The following TMEM132D variants were observed in gnomAD, a reference collection of about 807,000 sequenced individuals.
TMEM132D encodes transmembrane protein 132D, also known as mature OL transmembrane protein.
A neutral mutation model predicts 62.3 loss-of-function variants in TMEM132D; 21 were observed. The observed-to-expected ratio is 0.34, with a 90% CI of 0.24 to 0.49. The LOEUF (loss-of-function observed/expected upper bound fraction) is 0.49, where lower values mean the gene tolerates loss of function less well. Among genes scored for constraint, TMEM132D ranks in the 20% least tolerant of loss-of-function variants. TMEM132D has a pLI of 0.99. For synonymous variants in TMEM132D, 621 were observed against 575.6 expected, an observed-to-expected ratio of 1.08 and a Z score of -1.13; for missense variants, 1,346 against 1,402.8, an observed-to-expected ratio of 0.96 and a Z score of 0.65.
intron 5 of TMEM132D, among the ~76,000 whole-genome samples, chr12:129,174,005 A>T (rs376907806): frequency 6.6e-6 from 1 of 152,196 alleles, no homozygotes; most frequent in Admixed American, 6.5e-5. Context: ...ATACGAATTT[A>T]TTTTAATAAA....
chr12:129,378,031 T>C (rs1205813017), intron 3 of TMEM132D, among the ~76,000 whole-genome samples: 1 of 152,244 alleles, frequency 6.6e-6, no homozygotes, highest in Non-Finnish European at 1.5e-5. Context: ...TCTTGACAGC[T>C]TCTGCTATTG....
intron 3 of TMEM132D, among the ~76,000 whole-genome samples, chr12:129,436,519 A>G (rs990336225): frequency 6.6e-6 from 1 of 152,198 alleles, no homozygotes; most frequent in Non-Finnish European, 1.5e-5. Context: ...CAAGACTTTT[A>G]GTTGCAGCAT....
At chr12:129,160,249 C>G (rs538183694) in intron 5 of TMEM132D, among the ~76,000 whole-genome samples, 1 of 152,320 alleles carries the variant, frequency 6.6e-6, no homozygotes, top group East Asian at 1.9e-4. Context: ...TCACATTTTT[C>G]TTGTAGAATC....
chr12:129,814,828 C>A (rs1048150028), intron 1 of TMEM132D, among the ~76,000 whole-genome samples: 1 of 152,048 alleles, frequency 6.6e-6, no homozygotes. Context: ...TTCTCAACAT[C>A]TAAGATGCCT....
intron 3 of TMEM132D, among the ~76,000 whole-genome samples, chr12:129,378,375 A>G (rs1870844561): frequency 6.6e-6 from 1 of 152,178 alleles, no homozygotes; most frequent in East Asian, 1.9e-4. Context: ...GAGCAGTTTC[A>G]CCACCCAGCA....
At chr12:129,196,291 G>C (rs1281056405) in intron 5 of TMEM132D, among the ~76,000 whole-genome samples, 1 of 152,126 alleles carries the variant, frequency 6.6e-6, no homozygotes, top group African/African-American at 2.4e-5. Flanking sequence ...TGCAGTTGTG[G>C]TTTTATCTCT....
At chr12:129,128,881 G>A (rs1048898927) in intron 5 of TMEM132D, among the ~76,000 whole-genome samples, 4 of 152,174 alleles carry the variant, frequency 2.6e-5, no homozygotes, top group Non-Finnish European at 5.9e-5. Context: ...GTTCACTTAG[G>A]ATGATGGCTT....
intron 4 of TMEM132D, among the ~76,000 whole-genome samples, chr12:129,256,342 G>A (rs138472783): frequency 5.3e-5 from 8 of 152,374 alleles, no homozygotes; most frequent in Non-Finnish European, 1.2e-4. Context: ...GTGGGCACTT[G>A]AGTGATATAG....
At chr12:129,498,233 T>C (rs569356250) in intron 3 of TMEM132D, among the ~76,000 whole-genome samples, 48 of 142,192 alleles carry the variant, frequency 3.4e-4, no homozygotes, top group African/African-American at 1.1e-3. Flanking sequence ...CAAGATGAGA[T>C]GTATCTGTCC....
chr12:129,507,979 CA>C (rs1875388355), intron 3 of TMEM132D, among the ~76,000 whole-genome samples: 1 of 152,150 alleles, frequency 6.6e-6, no homozygotes. Context: ...TCATGGCCTG[CA>C]GACTATCCTT....
At chr12:129,141,841 A>T (rs1251269126) in intron 5 of TMEM132D, among the ~76,000 whole-genome samples, 10 of 151,886 alleles carry the variant, frequency 6.6e-5, no homozygotes, top group East Asian at 1.9e-4. Context: ...GGGTGATGGG[A>T]TCATTCGTAC....
chr12:129,785,354 G>T (rs1296365783), intron 1 of TMEM132D, among the ~76,000 whole-genome samples: 1 of 152,172 alleles, frequency 6.6e-6, no homozygotes, highest in East Asian at 1.9e-4. Context: ...TTTGATGTTT[G>T]CATTTGTATA....
rs150961334 is a variant in TMEM132D, at chr12:129,128,434, C to T, written c.1444-43732G>A. On this transcript the variant is annotated intron_variant, in intron 5 of 8. Coordinates refer to ENST00000422113, the MANE Select transcript of TMEM132D (RefSeq NM_133448.3). ...GTGGCATCTTACACGGTGGCAGGAGCGAGAGAGTGACTGGGGAAGGGCCCC... is the reference window on the plus strand; with the variant it reads ...GTGGCATCTTACACGGTGGCAGGAGTGAGAGAGTGACTGGGGAAGGGCCCC... 2.9e-3 allele frequency among the ~76,000 whole-genome samples: 434 copies of T among 152,156 alleles called. 1 individual carries two copies. Among genetic ancestry groups the T allele is most frequent in the Non-Finnish European group, 4.8e-3 (324 of 67,998 alleles).
intron 2 of TMEM132D, among the ~76,000 whole-genome samples, chr12:129,536,846 C>T (rs185179606): frequency 9.2e-5 from 14 of 152,138 alleles, no homozygotes; most frequent in Non-Finnish European, 1.9e-4. Flanking sequence ...TTGTCATGCA[C>T]CCCTATCAGT....
At position 129,232,607 on chromosome 12, in the gene TMEM132D, C is replaced by T. The variant is rs184623178; in HGVS notation, c.1300-22944G>A. On this transcript the variant is annotated intron_variant, in intron 4 of 8. Coordinates refer to ENST00000422113, the MANE Select transcript of TMEM132D (RefSeq NM_133448.3). Reference sequence around the variant, plus strand: ...TCCCAGGGCTTCTGTGACCACCGAACGATTACTATTTGCCCCAGGTCCCCT... The same window carrying T: ...TCCCAGGGCTTCTGTGACCACCGAATGATTACTATTTGCCCCAGGTCCCCT... Among the ~76,000 whole-genome samples, 79 of 152,226 alleles carry T rather than the reference C, an allele frequency of 5.2e-4. 1 individual carries two copies. Among genetic ancestry groups the T allele is most frequent in the Middle Eastern group, 6.8e-3 (2 of 294 alleles).
intron 1 of TMEM132D, among the ~76,000 whole-genome samples, chr12:129,803,688 T>C (rs1871874486): frequency 6.6e-6 from 1 of 150,538 alleles, no homozygotes; most frequent in Admixed American, 6.6e-5. Context: ...ATAACTAAAA[T>C]CAGAGCAGAA....
At chr12:129,243,320 A>G (rs541409686) in intron 4 of TMEM132D, among the ~76,000 whole-genome samples, 1 of 152,332 alleles carries the variant, frequency 6.6e-6, no homozygotes, top group South Asian at 2.1e-4. Flanking sequence ...TTAAGTTTGT[A>G]TCCATGAGAA....
chr12:129,135,329 C>T (rs1457796358), intron 5 of TMEM132D, among the ~76,000 whole-genome samples: 1 of 152,168 alleles, frequency 6.6e-6, no homozygotes. Context: ...TCATGGGAAT[C>T]ACTGATTAAG....
At chr12:129,125,104 C>A (rs902906758) in intron 5 of TMEM132D, among the ~76,000 whole-genome samples, 5 of 152,152 alleles carry the variant, frequency 3.3e-5, no homozygotes, top group African/African-American at 1.2e-4. Flanking sequence ...TGCTCTTCTG[C>A]AAGTCTGCGG....
Sources: gnomAD v4.1 joint callset for allele counts (sites outside exome capture counted in the v4.1 genomes callset) on GRCh38, gnomAD v4.1.1 for gene constraint, MANE v1.5 for transcripts, NCBI Gene and HGNC (gene_info 2026-07-23, HGNC 2026-07-21) for gene names.